Variants in ADAMTS19 observed in about 807,000 individuals in gnomAD.
ADAMTS19 encodes ADAM metallopeptidase with thrombospondin type 1 motif 19, also known as A disintegrin and metalloproteinase with thrombospondin motifs 19.
In ADAMTS19, 93 loss-of-function variants were observed where a neutral mutation model predicts 153.3. The ratio of observed to expected loss-of-function variants is 0.61; its 90% CI spans 0.51 to 0.72. ADAMTS19 has a LOEUF of 0.72. Ranked by LOEUF, ADAMTS19 falls within the 30% of genes least tolerant of loss-of-function variation. ADAMTS19 has a pLI of 0.00. For synonymous variants in ADAMTS19, 600 were observed against 556.6 expected (o/e 1.08, Z -1.10); for missense variants, 1,482 against 1,552.1 (o/e 0.95, Z 0.76).
At chr5:129,499,850 G>A (rs76318770) in intron 2 of ADAMTS19, among the ~76,000 whole-genome samples, 1 of 152,044 alleles carries the variant, frequency 6.6e-6, no homozygotes, top group Non-Finnish European at 1.5e-5. Context: ...CATACATGAA[G>A]TCTCTTCTCT....
intron 2 of ADAMTS19, among the ~76,000 whole-genome samples, chr5:129,486,129 A>G (rs1750583458): frequency 6.6e-6 from 1 of 152,150 alleles, no homozygotes; most frequent in Non-Finnish European, 1.5e-5. Flanking sequence ...CCCACACAGA[A>G]CATTCCAGAC....
intron 2 of ADAMTS19, among the ~76,000 whole-genome samples, chr5:129,486,725 T>C (rs535939231): frequency 1.3e-5 from 2 of 152,056 alleles, no homozygotes; most frequent in Non-Finnish European, 2.9e-5. Context: ...GCAATGAAGA[T>C]TCTAGCCACA....
intron 22 of ADAMTS19, among the ~76,000 whole-genome samples, chr5:129,736,540 A>G (rs73235732): frequency 0.054 from 8,139 of 152,116 alleles, 739 homozygotes; most frequent in African/African-American, 0.19. Flanking sequence ...GCTTGTGATG[A>G]TATGCATTAA....
At chr5:129,601,151 C>T (rs565746670) in intron 8 of ADAMTS19, among the ~76,000 whole-genome samples, 10 of 152,186 alleles carry the variant, frequency 6.6e-5, no homozygotes, top group South Asian at 6.2e-4. Flanking sequence ...GGATTACAGG[C>T]GTGAGCCACC....
Position 129,465,768 on chromosome 5 carries a change from A to G in ADAMTS19, c.747+4011A>G, listed in dbSNP as rs966404746. 2.6e-5 allele frequency among the ~76,000 whole-genome samples: 4 copies of G among 152,184 alleles called. No individual in the cohort carries two copies. In the East Asian group the frequency reaches 5.8e-4, roughly 22 times the overall value. On this transcript the variant is annotated intron_variant, in intron 2 of 22. Coordinates refer to ENST00000274487, the MANE Select transcript of ADAMTS19 (RefSeq NM_133638.6). ...CCAAATGAAAAAATTAAGATTACAG[A>G]CTGACCTCATATGTCTACTTTCTTC...
chr5:129,490,426 A>C (rs1750726592), intron 2 of ADAMTS19, among the ~76,000 whole-genome samples: 1 of 152,194 alleles, frequency 6.6e-6, no homozygotes, highest in Non-Finnish European at 1.5e-5. Context: ...AGGAAACAGA[A>C]GTGAGAAAAG....
chr5:129,561,459 G>T (rs1753511837), intron 7 of ADAMTS19, among the ~76,000 whole-genome samples: 1 of 151,914 alleles, frequency 6.6e-6, no homozygotes, highest in Admixed American at 6.6e-5. Context: ...AACCCGGGAA[G>T]CGGAGCTTGC....
chr5:129,597,145 A>G (rs1338666768), intron 8 of ADAMTS19, among the ~76,000 whole-genome samples: 4 of 152,198 alleles, frequency 2.6e-5, no homozygotes, highest in Non-Finnish European at 5.9e-5. Flanking sequence ...TTGAATATTA[A>G]CTATGTCTCA....
At position 129,701,577 on chromosome 5, in the gene ADAMTS19, G is replaced by A. The variant is rs754047149; in HGVS notation, c.3144G>A (p.Ala1048=). 30 of 1,614,022 alleles carry A rather than the reference G, an allele frequency of 1.9e-5. No homozygotes were observed. Among genetic ancestry groups the A allele is most frequent in the African/African-American group, 1.7e-4 (13 of 74,926 alleles). Residue 1048 remains alanine (A), a synonymous_variant, in exon 20 of 23, where the codon GCG becomes GCA. Transcript: ENST00000274487. The part of the protein sequence containing the change: ...EGQDCMTVWE[A]GVWSECSVKC... Reference sequence around the variant, plus strand: ...AGGACTGCATGACCGTGTGGGAGGCGGGAGTGTGGTCTGAGGTGCATACAT... The same window carrying A: ...AGGACTGCATGACCGTGTGGGAGGCAGGAGTGTGGTCTGAGGTGCATACAT...
rs1752696972 is a variant in ADAMTS19 at position 129,639,463 on chromosome 5, A to G, written c.1771-2396A>G. On this transcript the variant is annotated intron_variant, in intron 10 of 22. Coordinates refer to ENST00000274487, the MANE Select transcript of ADAMTS19 (RefSeq NM_133638.6). ...CTGCAGAACAGAAAGGGTAAAAGAC[A>G]TCTCTGAGAGAGATTTTATTCTACG... Among the ~76,000 whole-genome samples the G allele has an allele frequency of 6.6e-5, 10 of 152,318 alleles. No homozygotes were observed. In the South Asian group the frequency reaches 2.1e-3, roughly 32 times the overall value.
chr5:129,505,469 T>G (rs1366810384), intron 2 of ADAMTS19, among the ~76,000 whole-genome samples: 1 of 152,174 alleles, frequency 6.6e-6, no homozygotes, highest in Non-Finnish European at 1.5e-5. Flanking sequence ...ATGAACCATT[T>G]ATAATTAATG....
At chr5:129,654,282 T>C in intron 13 of ADAMTS19, 24 bp from the exon 14 acceptor site, 1 of 1,554,790 alleles carries the variant, frequency 6.4e-7, no homozygotes, top group African/African-American at 1.4e-5. Flanking sequence ...TTTTCTCATT[T>C]CTTTTTATCT....
intron 3 of ADAMTS19, among the ~76,000 whole-genome samples, chr5:129,525,130 G>C (rs1751962901): frequency 6.6e-6 from 1 of 152,074 alleles, no homozygotes; most frequent in African/African-American, 2.4e-5. Flanking sequence ...TGAGTAGTTT[G>C]TACATGCGAT....
intron 10 of ADAMTS19, among the ~76,000 whole-genome samples, chr5:129,627,876 A>C: frequency 6.6e-6 from 1 of 151,942 alleles, no homozygotes; most frequent in Non-Finnish European, 1.5e-5. Context: ...TGTGGAAAGC[A>C]GTGTGGCAAT....
intron 6 of ADAMTS19, among the ~76,000 whole-genome samples, chr5:129,546,637 T>C (rs536508903): frequency 2.6e-5 from 4 of 151,012 alleles, no homozygotes; most frequent in Non-Finnish European, 5.9e-5. Flanking sequence ...TCAGTTACTA[T>C]TCAGTTATGA....
At chr5:129,501,978 A>G (rs1396322045) in intron 2 of ADAMTS19, among the ~76,000 whole-genome samples, 2 of 152,072 alleles carry the variant, frequency 1.3e-5, no homozygotes, top group African/African-American at 4.8e-5. Flanking sequence ...GAAACAAGGG[A>G]AGTGAGAGAG....
At chr5:129,558,762 T>C (rs1753400485) in intron 7 of ADAMTS19, among the ~76,000 whole-genome samples, 1 of 152,030 alleles carries the variant, frequency 6.6e-6, no homozygotes, top group Non-Finnish European at 1.5e-5. Flanking sequence ...ACACAGTAAA[T>C]ATGAAAATGC....
intron 7 of ADAMTS19, among the ~76,000 whole-genome samples, chr5:129,583,590 T>C (rs1749634565): frequency 6.6e-6 from 1 of 152,216 alleles, no homozygotes; most frequent in East Asian, 1.9e-4. Context: ...GCCGTATTTC[T>C]TGGAGGTTTT....
chr5:129,603,663 C>T (rs1040980122), intron 8 of ADAMTS19, among the ~76,000 whole-genome samples: 3 of 152,100 alleles, frequency 2.0e-5, no homozygotes, highest in African/African-American at 7.2e-5. Flanking sequence ...ATCCCGTGAC[C>T]ATTTTCTGAC....
Sources: allele counts gnomAD v4.1 joint callset (sites outside exome capture counted in the v4.1 genomes callset), GRCh38; gene constraint gnomAD v4.1.1; transcripts MANE v1.5; gene names NCBI Gene and HGNC (gene_info 2026-07-23, HGNC 2026-07-21).